The following RYR2 variants were observed in gnomAD, a reference collection of about 807,000 sequenced individuals.
RYR2 encodes cardiac muscle ryanodine receptor-calcium release channel.
RYR2 carries 227 observed loss-of-function variants against 601.1 expected under a neutral mutation model. That is an observed-to-expected ratio of 0.38 (90% CI 0.34 to 0.42). The LOEUF (loss-of-function observed/expected upper bound fraction) is 0.42. Ranked by LOEUF, RYR2 falls within the 10% of genes least tolerant of loss-of-function variation. The pLI is 1.00. For synonymous variants in RYR2, 2,223 were observed against 2,175.1 expected, an observed-to-expected ratio of 1.02 and a Z score of -0.61; for missense variants, 4,646 against 6,156.5, an observed-to-expected ratio of 0.75 and a Z score of 8.21.
intron 1 of RYR2, among the ~76,000 whole-genome samples, chr1:237,198,349 T>G (rs1340011046): frequency 6.6e-6 from 1 of 152,180 alleles, no homozygotes; most frequent in Non-Finnish European, 1.5e-5. Context: ...TTTCATGAAT[T>G]GTGGTGTGCG....
At chr1:237,220,398 G>T (rs1056762234) in intron 1 of RYR2, among the ~76,000 whole-genome samples, 2 of 152,164 alleles carry the variant, frequency 1.3e-5, no homozygotes, top group East Asian at 3.9e-4. Flanking sequence ...GACCGGTGGT[G>T]TGCTGTTGGC....
intron 1 of RYR2, among the ~76,000 whole-genome samples, chr1:237,068,094 A>G (rs1303731295): frequency 1.4e-5 from 2 of 139,926 alleles, no homozygotes; most frequent in Non-Finnish European, 3.0e-5. Flanking sequence ...CTTTCTCATC[A>G]TGTCAATCTC....
At chr1:237,714,053 C>T (rs895908587) in intron 71 of RYR2, among the ~76,000 whole-genome samples, 2 of 151,858 alleles carry the variant, frequency 1.3e-5, no homozygotes, top group African/African-American at 4.8e-5. Flanking sequence ...GCTTTCTGTT[C>T]ATAATGTGGC....
At chr1:237,148,557 C>CAA in intron 1 of RYR2, among the ~76,000 whole-genome samples, 1 of 107,892 alleles carries the variant, frequency 9.3e-6, no homozygotes, top group Middle Eastern at 5.5e-3. Flanking sequence ...TATATATACA[C>CAA]ACACACATAT....
intron 29 of RYR2, among the ~76,000 whole-genome samples, chr1:237,586,110 G>T (rs1266237325): frequency 2.0e-5 from 3 of 151,796 alleles, no homozygotes; most frequent in South Asian, 2.1e-4. Flanking sequence ...TACTTTTTTG[G>T]TTTTTTTAAA....
intron 1 of RYR2, among the ~76,000 whole-genome samples, chr1:237,248,495 C>T (rs1406330064): frequency 1.3e-5 from 2 of 151,936 alleles, no homozygotes; most frequent in Non-Finnish European, 1.5e-5. Context: ...GCTGGAAATT[C>T]CTTCTTTCTT....
intron 1 of RYR2, among the ~76,000 whole-genome samples, chr1:237,233,134 A>G (rs1442102303): frequency 6.6e-6 from 1 of 152,190 alleles, no homozygotes; most frequent in Admixed American, 6.5e-5. Context: ...AAGATTGAAG[A>G]AACACCACCT....
chr1:237,366,725 ATG>A (rs1170417283), intron 5 of RYR2, among the ~76,000 whole-genome samples: 1 of 150,432 alleles, frequency 6.6e-6, no homozygotes, highest in Non-Finnish European at 1.5e-5. Context: ...ATATATATAT[ATG>A]AAATGTGTAG....
intron 1 of RYR2, among the ~76,000 whole-genome samples, chr1:237,122,788 AG>A (rs1395229587): frequency 3.9e-5 from 6 of 152,224 alleles, no homozygotes; most frequent in Non-Finnish European, 8.8e-5. Context: ...TAGGTACTCC[AG>A]GGTACTACTT....
intron 1 of RYR2, among the ~76,000 whole-genome samples, chr1:237,203,733 A>G (rs1038253438): frequency 1.3e-5 from 2 of 152,198 alleles, no homozygotes; most frequent in African/African-American, 2.4e-5. Context: ...AAAGGAAAAT[A>G]TACATATATT....
chr1:237,342,519 T>TC (rs1697913314), intron 3 of RYR2, among the ~76,000 whole-genome samples: 1 of 152,018 alleles, frequency 6.6e-6, no homozygotes, highest in Non-Finnish European at 1.5e-5. Flanking sequence ...TTGCAAGTAA[T>TC]CCCTGAAGTG....
At chr1:237,327,405 C>A (rs1283129952) in intron 2 of RYR2, among the ~76,000 whole-genome samples, 1 of 152,092 alleles carries the variant, frequency 6.6e-6, no homozygotes, top group Non-Finnish European at 1.5e-5. Context: ...CATTTGAAAC[C>A]CATGTGGTTT....
chr1:237,516,807 T>G (rs936120890), intron 24 of RYR2, among the ~76,000 whole-genome samples: 1 of 151,848 alleles, frequency 6.6e-6, no homozygotes, highest in African/African-American at 2.4e-5. Flanking sequence ...CATTATCAGG[T>G]CCCCCCAAGT....
At chr1:237,678,653 G>A (rs1685606318) in intron 61 of RYR2, among the ~76,000 whole-genome samples, 1 of 152,066 alleles carries the variant, frequency 6.6e-6, no homozygotes, top group African/African-American at 2.4e-5. Context: ...CTATATTACT[G>A]GAAAATTCAT....
rs114232411 is a variant in RYR2 at position 237,712,560 on chromosome 1, C to T, written c.10323+723C>T. On this transcript the variant is annotated intron_variant, in intron 71 of 104. Coordinates refer to ENST00000366574, the MANE Select transcript of RYR2 (RefSeq NM_001035.3). ...ACACACACACTCACACACACACACA[C>T]GCACCCCCCACTCACCAAAAGTCAG... Among the ~76,000 whole-genome samples, 973 of 152,206 alleles carry T rather than the reference C, an allele frequency of 6.4e-3. 12 individuals are homozygous for T. Among genetic ancestry groups the T allele is most frequent in the African/African-American group, 0.022 (916 of 41,522 alleles).
At chr1:237,383,310 A>G (rs1296095376) in intron 8 of RYR2, among the ~76,000 whole-genome samples, 1 of 151,028 alleles carries the variant, frequency 6.6e-6, no homozygotes, top group East Asian at 1.9e-4. Flanking sequence ...TTGCACTTCT[A>G]TCGTGTAATG....
At chr1:237,290,417 G>A (rs933926377) in intron 2 of RYR2, among the ~76,000 whole-genome samples, 4 of 152,176 alleles carry the variant, frequency 2.6e-5, no homozygotes, top group African/African-American at 4.8e-5. Flanking sequence ...ATAGATGGAA[G>A]TGTCCTATTT....
At chr1:237,425,012 A>G (rs1706000471) in intron 12 of RYR2, among the ~76,000 whole-genome samples, 1 of 152,210 alleles carries the variant, frequency 6.6e-6, no homozygotes, top group Admixed American at 6.5e-5. Flanking sequence ...AATGTATTTC[A>G]TATAAATAAT....
intron 12 of RYR2, among the ~76,000 whole-genome samples, chr1:237,431,380 T>C (rs1012194521): frequency 3.3e-5 from 5 of 152,154 alleles, no homozygotes; most frequent in Admixed American, 2.0e-4. Flanking sequence ...AGTAAATCCA[T>C]CACTCAGAAA....
Sources: allele counts gnomAD v4.1 joint callset (sites outside exome capture counted in the v4.1 genomes callset), GRCh38; gene constraint gnomAD v4.1.1; transcripts MANE v1.5; gene names NCBI Gene and HGNC (gene_info 2026-07-23, HGNC 2026-07-21).